Variants in AK8 observed in about 807,000 individuals in gnomAD.
AK8 encodes the protein adenylate kinase 8.
A neutral mutation model predicts 54.6 loss-of-function variants in AK8; 44 were observed. The observed-to-expected ratio is 0.81, with a 90% CI of 0.63 to 1.04. The LOEUF is 1.04. Ranked by LOEUF, AK8 falls within the 50% of genes least tolerant of loss-of-function variation. The pLI is 0.00. For synonymous variants in AK8, 239 were observed against 245.6 expected (o/e 0.97, Z 0.25); for missense variants, 555 against 613.6 (o/e 0.90, Z 1.01).
At chr9:132,830,331 C>A (rs943274975) in intron 5 of AK8, among the ~76,000 whole-genome samples, 1 of 152,158 alleles carries the variant, frequency 6.6e-6, no homozygotes, top group African/African-American at 2.4e-5. Flanking sequence ...CCTTCTTTTA[C>A]GACTTTTGAT....
At chr9:132,783,431 C>T (rs1400896869) in intron 11 of AK8, among the ~76,000 whole-genome samples, 1 of 152,002 alleles carries the variant, frequency 6.6e-6, no homozygotes, top group Non-Finnish European at 1.5e-5. Flanking sequence ...TTTATGATGG[C>T]AATATAGGTA....
At chr9:132,874,022 C>T (rs1169541572) in intron 2 of AK8, among the ~76,000 whole-genome samples, 2 of 152,126 alleles carry the variant, frequency 1.3e-5, no homozygotes, top group African/African-American at 4.8e-5. Flanking sequence ...AAGGGGGTCC[C>T]AAGGCCACCC....
chr9:132,852,424 A>G (rs1437467680), intron 5 of AK8, among the ~76,000 whole-genome samples: 1 of 152,132 alleles, frequency 6.6e-6, no homozygotes, highest in Non-Finnish European at 1.5e-5. Flanking sequence ...CCTGGCTAAC[A>G]CAGTGAAACC....
At chr9:132,810,815 C>A (rs957462267) in intron 10 of AK8, among the ~76,000 whole-genome samples, 2 of 152,018 alleles carry the variant, frequency 1.3e-5, no homozygotes, top group African/African-American at 2.4e-5. Context: ...TCTTTCCAAG[C>A]AATTGCTAAA....
rs1036913634 is a variant in AK8 at position 132,800,529 on chromosome 9, C to T, written c.980-7754G>A. Among the ~76,000 whole-genome samples, 4 of 152,298 alleles carry T rather than the reference C, an allele frequency of 2.6e-5. No individual in the cohort carries two copies. In the East Asian group the frequency reaches 7.7e-4, roughly 29 times the overall value. ...CAAGTCAATTGCCCCAGACAAACCC[C>T]CATCTGGCCGGGCCTTGGTTCCCCA... On this transcript the variant is annotated intron_variant, in intron 10 of 12. Transcript: ENST00000298545.
At chr9:132,832,477 T>C (rs1842150849) in intron 5 of AK8, among the ~76,000 whole-genome samples, 1 of 152,278 alleles carries the variant, frequency 6.6e-6, no homozygotes, top group Admixed American at 6.5e-5. Flanking sequence ...TTCTGAACTT[T>C]AGCTAAATTC....
At chr9:132,779,039 C>T (rs1288309657) in intron 11 of AK8, among the ~76,000 whole-genome samples, 1 of 152,124 alleles carries the variant, frequency 6.6e-6, no homozygotes, top group Non-Finnish European at 1.5e-5. Flanking sequence ...ACTTCCAAGC[C>T]AATGAGTGTC....
chr9:132,752,715 C>T (rs1837995628), intron 11 of AK8, among the ~76,000 whole-genome samples: 1 of 144,882 alleles, frequency 6.9e-6, no homozygotes, highest in African/African-American at 2.7e-5. Context: ...TGGACGCTGG[C>T]TGCCCCCCAC....
intron 10 of AK8, among the ~76,000 whole-genome samples, chr9:132,810,678 G>C (rs988789244): frequency 1.6e-4 from 25 of 152,180 alleles, no homozygotes; most frequent in African/African-American, 5.6e-4. Context: ...GGAGAGAGGA[G>C]ATGAGGAAAC....
chr9:132,795,448 A>G (rs1272851610), intron 10 of AK8, among the ~76,000 whole-genome samples: 2 of 152,226 alleles, frequency 1.3e-5, no homozygotes, highest in African/African-American at 2.4e-5. Flanking sequence ...TCTGATCCAG[A>G]GACCTTGTGT....
chr9:132,846,818 C>G (rs527516767), intron 5 of AK8, among the ~76,000 whole-genome samples: 2 of 152,208 alleles, frequency 1.3e-5, no homozygotes, highest in Non-Finnish European at 2.9e-5. Flanking sequence ...CCAGCCCTGC[C>G]GCTTCCCCCG....
chr9:132,749,349 G>T (rs1041411149), intron 11 of AK8, among the ~76,000 whole-genome samples: 6 of 151,924 alleles, frequency 3.9e-5, no homozygotes, highest in African/African-American at 1.4e-4. Context: ...CAGGCTCTGG[G>T]TTCAGGTGCT....
Position 132,790,134 on chromosome 9 carries a change from G to T in AK8, c.1121+2500C>A, listed in dbSNP as rs927103520. ...CAGTTACTATAGGAACAAAAGACTG[G>T]CTTACTAATATTAACATAATTTATA... On this transcript the variant is annotated intron_variant, in intron 11 of 12. Coordinates refer to ENST00000298545, the MANE Select transcript of AK8 (RefSeq NM_152572.3). This position sits in a 1 kb window ranked among gnomAD's most constrained non-coding sequence, Gnocchi z 4.1. 6.6e-6 allele frequency among the ~76,000 whole-genome samples: 1 copy of T among 152,128 alleles called. No individual in the cohort carries two copies. Among genetic ancestry groups the T allele is most frequent in the Admixed American group, 6.5e-5 (1 of 15,272 alleles).
rs1045164167 is a variant in AK8 at position 132,815,128 on chromosome 9, G to A, written c.890-401C>T. 2.0e-5 allele frequency among the ~76,000 whole-genome samples: 3 copies of A among 152,242 alleles called. No homozygotes were observed. In the East Asian group the frequency reaches 5.8e-4, roughly 29 times the overall value. The stretch of plus-strand genomic sequence containing the variant: ...GGGGCTGCTCATCTCTGGGCGATGT[G>A]CCTCAAGTGCGTCCACATTTGCACC... On this transcript the variant is annotated intron_variant, in intron 9 of 12. Coordinates refer to ENST00000298545, the MANE Select transcript of AK8 (RefSeq NM_152572.3).
chr9:132,792,820 C>G (rs1762023731), intron 10 of AK8, 45 bp from the exon 11 acceptor site: 1 of 1,535,838 alleles, frequency 6.5e-7, no homozygotes. Flanking sequence ...GCCGGCAGCC[C>G]ATGGGTCCTG....
rs1031886035 is a variant in AK8 at position 132,877,838 on chromosome 9, C to A, written c.84+334G>T. On this transcript the variant is annotated intron_variant, in intron 1 of 12. Transcript: ENST00000298545. ...GCCCCTGGGAGACCACCTCTTGCAA[C>A]CTGGCATTTCACAGGTGGGGAAACC... 2.6e-5 allele frequency: 15 copies of A among 571,718 alleles called. No individual in the cohort carries two copies. In the Admixed American group the frequency reaches 3.3e-4, roughly 13 times the overall value. 35.4% of individuals were successfully genotyped at this position (571,718 alleles called of 1,614,324 possible). A position where few individuals can be genotyped will look rare whatever the true frequency, so the allele number is the denominator to read the frequency against.
At chr9:132,735,880 G>T (rs1837079743) in intron 11 of AK8, among the ~76,000 whole-genome samples, 1 of 152,206 alleles carries the variant, frequency 6.6e-6, no homozygotes, top group Non-Finnish European at 1.5e-5. Flanking sequence ...CTTAATAACA[G>T]GGACACGTTC....
In AK8 at chr9:132,803,189, A is replaced by G. The variant is rs1159240258; in HGVS notation, c.980-10414T>C. Among the ~76,000 whole-genome samples the G allele has an allele frequency of 6.6e-6, 1 of 151,854 alleles. No homozygotes were observed. The highest frequency in any genetic ancestry group is 1.5e-5 in the Non-Finnish European group (1 of 67,976). ...AGGTAACCACCCCCAAGATTCAATTACCTCCCACCGGGTCCCTCCCATGAC... is the reference window on the plus strand; with the variant it reads ...AGGTAACCACCCCCAAGATTCAATTGCCTCCCACCGGGTCCCTCCCATGAC... On this transcript the variant is annotated intron_variant, in intron 10 of 12. Coordinates refer to ENST00000298545, the MANE Select transcript of AK8 (RefSeq NM_152572.3). This position sits in a 1 kb window ranked among gnomAD's most constrained non-coding sequence, Gnocchi z 4.4.
At chr9:132,811,649 C>T (rs918384292) in intron 10 of AK8, among the ~76,000 whole-genome samples, 3 of 152,148 alleles carry the variant, frequency 2.0e-5, no homozygotes, top group Non-Finnish European at 2.9e-5. Context: ...CTGGCAGTAC[C>T]CAGAGATGGC....
Sources: gnomAD v4.1 joint callset for allele counts (sites outside exome capture counted in the v4.1 genomes callset) on GRCh38, gnomAD v4.1.1 for gene constraint, Gnocchi (gnomAD v3.1) non-coding constraint, MANE v1.5 for transcripts, NCBI Gene and HGNC (gene_info 2026-07-23, HGNC 2026-07-21) for gene names.